The following ZFPM1 variants were observed in gnomAD, a reference collection of about 807,000 sequenced individuals.
ZFPM1 encodes the protein zinc finger protein, FOG family member 1, also known as zinc finger protein ZFPM1.
In ZFPM1, 28 loss-of-function variants were observed where a neutral mutation model predicts 46.3. The observed-to-expected ratio is 0.60, with a 90% CI of 0.45 to 0.83. ZFPM1 has a LOEUF of 0.83. Ranked by LOEUF, ZFPM1 falls within the 40% of genes least tolerant of loss-of-function variation. The pLI is 0.00. For missense variants in ZFPM1, 1,878 were observed against 1,432.4 expected, an observed-to-expected ratio of 1.31 and a Z score of -5.02; for synonymous variants, 957 against 675.9, an observed-to-expected ratio of 1.42 and a Z score of -6.45.
At chr16:88,514,605 A>G in intron 4 of ZFPM1, 85 bp downstream of exon 4, 1 of 1,425,920 alleles carries the variant, frequency 7.0e-7, no homozygotes, top group Non-Finnish European at 9.2e-7. Flanking sequence ...CTTAGATGCC[A>G]GCTCCGGGGC....
rs563152079 is a variant in ZFPM1 at position 88,526,797 on chromosome 16, C to T, written c.403-17C>T. The T allele has an allele frequency of 2.7e-6, 4 of 1,454,546 alleles. No homozygotes were observed. The highest frequency in any genetic ancestry group is 2.7e-6 in the Non-Finnish European group (3 of 1,106,608). 90.1% of individuals were successfully genotyped at this position (1,454,546 alleles called of 1,614,324 possible). A position where few individuals can be genotyped will look rare whatever the true frequency, so the allele number is the denominator to read the frequency against. On this transcript the variant is annotated splice_polypyrimidine_tract_variant and intron_variant, in intron 4 of 9. Transcript: ENST00000319555. ...CTGACGGACCCCTCCCCACGTGTTC[C>T]TACCCTCCCCCCCCAGAGCCCAGCC...
At chr16:88,489,587 C>G (rs112040905) in intron 3 of ZFPM1, among the ~76,000 whole-genome samples, 1 of 152,208 alleles carries the variant, frequency 6.6e-6, no homozygotes, top group South Asian at 2.1e-4. Context: ...GCCTGAAGGG[C>G]AGGAGAGGGC....
chr16:88,525,546 C>T (rs191740350), intron 4 of ZFPM1, among the ~76,000 whole-genome samples: 39 of 152,366 alleles, frequency 2.6e-4, no homozygotes, highest in African/African-American at 7.2e-4. Flanking sequence ...CTGGAGCACG[C>T]GTGTATGCTG....
intron 1 of ZFPM1, among the ~76,000 whole-genome samples, chr16:88,461,181 G>GGT (rs1907856249): frequency 1.3e-5 from 1 of 74,200 alleles, no homozygotes. Context: ...AGGACCGAGG[G>GGT]GCGGGGCGGG....
intron 3 of ZFPM1, among the ~76,000 whole-genome samples, chr16:88,490,482 G>A (rs1032643074): frequency 6.6e-6 from 1 of 152,236 alleles, no homozygotes; most frequent in Non-Finnish European, 1.5e-5. Flanking sequence ...ATGGTGAGGC[G>A]CTCGCCGTGC....
intron 1 of ZFPM1, among the ~76,000 whole-genome samples, chr16:88,464,735 C>T (rs903758192): frequency 6.6e-6 from 1 of 152,266 alleles, no homozygotes; most frequent in African/African-American, 2.4e-5. Flanking sequence ...CTGGTCCGGG[C>T]CTCTGGCGGG....
chr16:88,482,590 C>G (rs921036228), intron 1 of ZFPM1, among the ~76,000 whole-genome samples: 1 of 152,154 alleles, frequency 6.6e-6, no homozygotes, highest in African/African-American at 2.4e-5. Context: ...GGAGAGCCAG[C>G]CCACCTTCCT....
chr16:88,496,609 G>A (rs1008155637), intron 3 of ZFPM1, among the ~76,000 whole-genome samples: 1 of 151,890 alleles, frequency 6.6e-6, no homozygotes, highest in Non-Finnish European at 1.5e-5. Flanking sequence ...TCAGGCTGTG[G>A]AACAAAAGTC....
At position 88,480,597 on chromosome 16, in the gene ZFPM1, G is replaced by A. The variant is rs147036554; in HGVS notation, c.41-5342G>A. On this transcript the variant is annotated intron_variant, in intron 1 of 9. Coordinates refer to ENST00000319555, the MANE Select transcript of ZFPM1 (RefSeq NM_153813.3). This position sits in a 1 kb window ranked among gnomAD's most constrained non-coding sequence, Gnocchi z 4.9. Reference sequence around the variant, plus strand: ...ACTCCCAAGAGAGGCCAGCATAGGCGCCTGTGTCCCCTGCAGGCACCCACT... The same window carrying A: ...ACTCCCAAGAGAGGCCAGCATAGGCACCTGTGTCCCCTGCAGGCACCCACT... 2.1e-4 allele frequency among the ~76,000 whole-genome samples: 32 copies of A among 152,344 alleles called. No homozygotes were observed. The East Asian group carries it at 5.6e-3, about 27-fold the overall frequency.
chr16:88,495,922 T>C (rs926160144), intron 3 of ZFPM1, among the ~76,000 whole-genome samples: 1 of 152,118 alleles, frequency 6.6e-6, no homozygotes, highest in Admixed American at 6.5e-5. Flanking sequence ...GGGGTCCGCC[T>C]GTGAGGTGGG....
chr16:88,514,982 C>T (rs1172423003), intron 4 of ZFPM1, among the ~76,000 whole-genome samples: 2 of 152,302 alleles, frequency 1.3e-5, no homozygotes, highest in East Asian at 1.9e-4. Context: ...CACGTGTGCT[C>T]ATCTCCTTGG....
chr16:88,493,215 GGGTGGGGAGAGCTGTCCCAC>G (rs1909705635), intron 3 of ZFPM1, among the ~76,000 whole-genome samples: 1 of 113,660 alleles, frequency 8.8e-6, no homozygotes, highest in African/African-American at 2.7e-5. Context: ...AGCTGTCCCG[GGGTGGGGAGAGCTGTCCCAC>G]GGTGAGGAGA....
chr16:88,489,239 G>C, intron 3 of ZFPM1, 86 bp downstream of exon 3: 4 of 1,487,840 alleles, frequency 2.7e-6, no homozygotes, highest in Non-Finnish European at 3.6e-6. Context: ...TGGGTGCTGG[G>C]GCAGGTGTGC....
chr16:88,474,050 G>A (rs1037842124), intron 1 of ZFPM1, among the ~76,000 whole-genome samples: 1 of 152,262 alleles, frequency 6.6e-6, no homozygotes, highest in Non-Finnish European at 1.5e-5. Context: ...TAAAGTTTCC[G>A]AGTTCAGCGG....
At position 88,489,185 on chromosome 16, in the gene ZFPM1, C is replaced by T. The variant is rs1424165580; in HGVS notation, c.268+32C>T. 8.3e-6 allele frequency: 13 copies of T among 1,562,846 alleles called. No individual in the cohort carries two copies. The East Asian group carries it at 1.2e-4, about 14-fold the overall frequency. On this transcript the variant is annotated intron_variant, in intron 3 of 9. Coordinates refer to ENST00000319555, the MANE Select transcript of ZFPM1 (RefSeq NM_153813.3). ...ACGCGGGTGGTGGGGGCAGCAGCAT[C>T]GCCTCCCGGGCAGCCTGGCCCGGCC... is the stretch of plus-strand genomic sequence containing the variant.
chr16:88,493,783 C>T (rs1398371578), intron 3 of ZFPM1, among the ~76,000 whole-genome samples: 1 of 152,120 alleles, frequency 6.6e-6, no homozygotes, highest in Non-Finnish European at 1.5e-5. Context: ...CTACCTGATA[C>T]CTGGTGGTCC....
chr16:88,452,212 G>GC (rs140961685), upstream of ZFPM1, among the ~76,000 whole-genome samples: 1,570 of 152,288 alleles, frequency 0.01, 26 homozygotes, highest in African/African-American at 0.035. Context: ...GTGGGGGACA[G>GC]CCCCCCAATG....
rs899462688 is a variant in ZFPM1 at position 88,453,595 on chromosome 16, C to T, written c.-44C>T. The T allele has an allele frequency of 2.3e-5, 23 of 1,003,276 alleles. No homozygotes were observed. Among genetic ancestry groups the T allele is most frequent in the East Asian group, 2.2e-4 (2 of 8,968 alleles). 62.1% of individuals were successfully genotyped at this position (1,003,276 alleles called of 1,614,324 possible). On this transcript the variant is annotated 5_prime_UTR_variant, in exon 1 of 10. Transcript: ENST00000319555. ...CCCCCGCCGCCCGCCGCCGCCCGCC[C>T]GGGGCTAGAGGCGGCCGCCGGGAGG...
chr16:88,492,083 CCT>C (rs1909612400), intron 3 of ZFPM1, among the ~76,000 whole-genome samples: 1 of 151,854 alleles, frequency 6.6e-6, no homozygotes, highest in African/African-American at 2.4e-5. Flanking sequence ...TGTGTGAGCC[CCT>C]CTCTCTCTCC....
Sources: gnomAD v4.1 joint callset for allele counts (sites outside exome capture counted in the v4.1 genomes callset) on GRCh38, gnomAD v4.1.1 for gene constraint, Gnocchi (gnomAD v3.1) non-coding constraint, MANE v1.5 for transcripts, NCBI Gene and HGNC (gene_info 2026-07-23, HGNC 2026-07-21) for gene names.